SLC39A5: variants seen among roughly 807,000 people sequenced by gnomAD.
The protein encoded by SLC39A5 is zinc transporter ZIP5.
Under a neutral mutation model 46.9 loss-of-function variants are expected in SLC39A5, and 42 were observed. The ratio of observed to expected loss-of-function variants is 0.90; its 90% CI spans 0.70 to 1.16. SLC39A5 has a LOEUF of 1.16. SLC39A5 is among the 50% of genes most tolerant of loss of function. SLC39A5 has a pLI of 0.00. For synonymous variants in SLC39A5, 311 were observed against 323.1 expected, an observed-to-expected ratio of 0.96 and a Z score of 0.40; for missense variants, 677 against 686.8, an observed-to-expected ratio of 0.99 and a Z score of 0.16.
chr12:56,237,355 G>A lies in SLC39A5; in HGVS notation c.1479+15G>A. On this transcript the variant is annotated intron_variant, in intron 12 of 12. Transcript: ENST00000454355. ...TTGTGGACATGGTGAGAGATGTCGG[G>A]TAGAGCAGAGAAATCAAGGGCAGTG... 6.4e-7 allele frequency: 1 copy of A among 1,570,592 alleles called. No individual in the cohort carries two copies. The highest frequency in any genetic ancestry group is 8.6e-7 in the Non-Finnish European group (1 of 1,156,988).
Position 56,237,597 on chromosome 12 carries a change from C to T in SLC39A5, c.1489C>T (p.Leu497=). The T allele has an allele frequency of 1.2e-6, 2 of 1,613,858 alleles. No individual in the cohort carries two copies. Among genetic ancestry groups the T allele is most frequent in the Non-Finnish European group, 1.7e-6 (2 of 1,179,942 alleles). ...YVALVDMLPA[L]LRPPEPLPTP... ...CCTCTTTTTCTTTCAGCTACCAGCC[C>T]TGCTTCGTCCTCCGGAGCCCCTGCC... Residue 497 remains leucine (L), a synonymous_variant, in exon 13 of 13, where the codon CTG becomes TTG. Coordinates refer to ENST00000454355, the MANE Select transcript of SLC39A5 (RefSeq NM_173596.3).
At chr12:56,233,471 A>T (rs913889850) in intron 5 of SLC39A5, among the ~76,000 whole-genome samples, 5 of 151,680 alleles carry the variant, frequency 3.3e-5, no homozygotes, top group Non-Finnish European at 7.4e-5. Flanking sequence ...TAAAAAAAAT[A>T]AAAAAATAAA....
In SLC39A5 at chr12:56,231,194, A is replaced by G. The variant is rs533232325; in HGVS notation, c.-71-10A>G. 8.3e-5 allele frequency: 122 copies of G among 1,463,910 alleles called. No homozygotes were observed. The highest frequency in any genetic ancestry group is 5.4e-4 in the South Asian group (40 of 73,948). The allele number at this position is 1,463,910 out of a possible 1,614,324, so 90.7% of individuals were successfully genotyped here. A position where few individuals can be genotyped will look rare whatever the true frequency, so the allele number is the denominator to read the frequency against. ...AGAGCGCAGCTCCAGCCCATTCCTC[A>G]TTCTTCCAGGGCACAGTCCTCAGGA... On this transcript the variant is annotated splice_polypyrimidine_tract_variant and intron_variant, in intron 3 of 12. Coordinates refer to ENST00000454355, the MANE Select transcript of SLC39A5 (RefSeq NM_173596.3).
intron 4 of SLC39A5, among the ~76,000 whole-genome samples, chr12:56,232,311 A>G (rs1025711331): frequency 7.3e-5 from 11 of 151,478 alleles, no homozygotes; most frequent in African/African-American, 9.7e-5. Context: ...GATTACAGGC[A>G]CACACCACCA....
intron 3 of SLC39A5, 165 bp downstream of exon 3, chr12:56,231,038 G>A (rs1413372639): frequency 6.0e-6 from 3 of 504,124 alleles, no homozygotes; most frequent in East Asian, 3.2e-5. Flanking sequence ...CCAGGAACCA[G>A]CAAACAAGAG....
intron 2 of SLC39A5, 23 bp from the exon 3 acceptor site, chr12:56,230,807 TG>T (rs1439456981): frequency 6.4e-6 from 1 of 155,326 alleles, no homozygotes; most frequent in Non-Finnish European, 1.4e-5. Context: ...AGGCTAAGCC[TG>T]GATTCCCCCT....
At position 56,235,683 on chromosome 12, in the gene SLC39A5, C is replaced by A. The variant is rs762743474; in HGVS notation, c.928C>A (p.His310Asn). Residue 310 changes from histidine to asparagine, a missense_variant, in exon 8 of 13, where the codon CAC (histidine) becomes AAC (asparagine). Transcript: ENST00000454355. ...GGAGAACATGCTGGGGCTTTTGCGGCACCGAGGGCTCAGGCCAGTGAGTGA... is the reference window on the plus strand; with the variant it reads ...GGAGAACATGCTGGGGCTTTTGCGGAACCGAGGGCTCAGGCCAGTGAGTGA... ...VLENMLGLLR[H>N]RGLRPRCCRR... The A allele has an allele frequency of 1.9e-6, 3 of 1,614,070 alleles. No homozygotes were observed. Among genetic ancestry groups the A allele is most frequent in the East Asian group, 2.2e-5 (1 of 44,876 alleles).
chr12:56,234,028 TAATACA>T (rs1270613446), intron 5 of SLC39A5, among the ~76,000 whole-genome samples: 1 of 152,122 alleles, frequency 6.6e-6, no homozygotes, highest in African/African-American at 2.4e-5. Flanking sequence ...TATTCACTAA[TAATACA>T]CATTGATTAT....
At position 56,237,212 on chromosome 12, in the gene SLC39A5, G is replaced by T; in HGVS notation, c.1351G>T (p.Val451Leu). The change falls in exon 12 of 13, where the codon GTG (valine) becomes TTG (leucine). Residue 451 changes from valine to leucine, a missense_variant. Coordinates refer to ENST00000454355, the MANE Select transcript of SLC39A5 (RefSeq NM_173596.3). ...SFRRLLLLSLVSGALGLGGAV... is the reference protein window; with the variant it reads ...SFRRLLLLSLLSGALGLGGAV... ...TCGGCGGCTGCTGCTGCTGAGCCTC[G>T]TGTCTGGAGCCCTGGGATTGGGGGG... The T allele has an allele frequency of 6.2e-7, 1 of 1,613,810 alleles. No individual in the cohort carries two copies. Among genetic ancestry groups the T allele is most frequent in the Non-Finnish European group, 8.5e-7 (1 of 1,179,988 alleles).
rs1272852839 is a variant in SLC39A5 at position 56,234,857 on chromosome 12, G to A, written c.505G>A (p.Gly169Ser). 1 of 1,613,704 alleles carries A rather than the reference G, an allele frequency of 6.2e-7. No homozygotes were observed. Among genetic ancestry groups the A allele is most frequent in the Admixed American group, 1.7e-5 (1 of 60,008 alleles). ...CGGCTCCCAGCTGCTGGTCAATTTT[G>A]GCTTGAGCCCCGCTGCTCCTCTGAC... ...LNGSQLLVNF[G>S]LSPAAPLTPR... The change falls in exon 6 of 13, where the codon GGC (glycine) becomes AGC (serine). Residue 169 changes from glycine to serine, a missense_variant. By Grantham distance (56) the Gly-to-Ser change is moderately conservative. Coordinates refer to ENST00000454355, the MANE Select transcript of SLC39A5 (RefSeq NM_173596.3).
chr12:56,237,695 G>A lies in SLC39A5; in HGVS notation c.1587G>A (p.Leu529=). Residue 529 remains leucine (L), a synonymous_variant, in exon 13 of 13, where the codon CTG becomes CTA. Transcript: ENST00000454355. ...GCCTCATGCTTGCCATAACCCTGCTGGAGGAGCGGCTACTGCCCGTGACCA... is the reference window on the plus strand; with the variant it reads ...GCCTCATGCTTGCCATAACCCTGCTAGAGGAGCGGCTACTGCCCGTGACCA... ...GGGLMLAITL[L]EERLLPVTTE... 1.3e-6 allele frequency: 2 copies of A among 1,592,840 alleles called. No homozygotes were observed. The highest frequency in any genetic ancestry group is 1.7e-6 in the Non-Finnish European group (2 of 1,170,344).
intron 5 of SLC39A5, 27 bp from the exon 6 acceptor site, chr12:56,234,797 T>C (rs764531915): frequency 2.5e-6 from 4 of 1,612,328 alleles, no homozygotes; most frequent in Admixed American, 1.7e-5. Context: ...CTGGTGATTC[T>C]CCAATGTATG....
intron 3 of SLC39A5, 150 bp downstream of exon 3, chr12:56,231,023 G>T: frequency 2.0e-6 from 1 of 491,360 alleles, no homozygotes; most frequent in Non-Finnish European, 3.6e-6. Flanking sequence ...ACTCAGGGAG[G>T]TGCTCCAGGA....
In SLC39A5 at chr12:56,234,920, T is replaced by C; in HGVS notation, c.568T>C (p.Tyr190His). The part of the protein sequence containing the change: ...QFALLCPALL[Y>H]QIDSRVCIGA... ...TGCTCTGCTGTGCCCAGCCCTGCTTTATCAGATCGACAGCCGCGTCTGCAT... is the reference window on the plus strand; with the variant it reads ...TGCTCTGCTGTGCCCAGCCCTGCTTCATCAGATCGACAGCCGCGTCTGCAT... Residue 190 changes from tyrosine to histidine, a missense_variant, in exon 6 of 13, where the codon TAT becomes CAT. Coordinates refer to ENST00000454355, the MANE Select transcript of SLC39A5 (RefSeq NM_173596.3). The C allele has an allele frequency of 6.2e-7, 1 of 1,613,754 alleles. No homozygotes were observed. The highest frequency in any genetic ancestry group is 8.5e-7 in the Non-Finnish European group (1 of 1,179,982).
chr12:56,235,214 T>C lies in SLC39A5; in HGVS notation c.692T>C (p.Leu231Pro). ...LLLSLPSPLS[L>P]LLLRLLGPRL... ...CTCAGCCTCCCTTCTCCCCTATCCC[T>C]GCTGCTGCTGCGGCTCCTGGGACCT... is the stretch of plus-strand genomic sequence containing the variant. The change falls in exon 7 of 13, where the codon CTG becomes CCG. Residue 231 changes from leucine to proline, a missense_variant. By Grantham distance (98) the Leu-to-Pro change is moderately conservative. Coordinates refer to ENST00000454355, the MANE Select transcript of SLC39A5 (RefSeq NM_173596.3). The C allele has an allele frequency of 6.4e-7, 1 of 1,574,488 alleles. No homozygotes were observed. Among genetic ancestry groups the C allele is most frequent in the Non-Finnish European group, 8.6e-7 (1 of 1,161,720 alleles).
At chr12:56,236,799 T>C (rs757578892) in intron 10 of SLC39A5, 53 bp downstream of exon 10, 58 of 1,576,554 alleles carry the variant, frequency 3.7e-5, no homozygotes, top group Non-Finnish European at 4.8e-5. Context: ...CCAGGGCTCC[T>C]AGTTATCAGC....
In SLC39A5 at chr12:56,236,386, C is replaced by T. The variant is rs1421450868; in HGVS notation, c.946-10C>T. On this transcript the variant is annotated splice_polypyrimidine_tract_variant and intron_variant, in intron 8 of 12. Coordinates refer to ENST00000454355, the MANE Select transcript of SLC39A5 (RefSeq NM_173596.3). Reference sequence around the variant, plus strand: ...CCTCCTCCACCAGGAGGGATGCCCTCCTATTTCAGAGATGCTGCAGGCGAA... The same window carrying T: ...CCTCCTCCACCAGGAGGGATGCCCTTCTATTTCAGAGATGCTGCAGGCGAA... 1 of 1,613,964 alleles carries T rather than the reference C, an allele frequency of 6.2e-7. No individual in the cohort carries two copies. The highest frequency in any genetic ancestry group is 2.2e-5 in the East Asian group (1 of 44,882).
At chr12:56,232,940 A>T (rs1870372555) in intron 5 of SLC39A5, 68 bp downstream of exon 5, 2 of 1,493,450 alleles carry the variant, frequency 1.3e-6, no homozygotes, top group Middle Eastern at 1.7e-4. Context: ...TTAAATAATC[A>T]GTAGTTTTTT....
chr12:56,230,281 C>G lies in SLC39A5; in HGVS notation c.-129C>G, dbSNP rs1296611677. On this transcript the variant is annotated 5_prime_UTR_variant, in exon 2 of 13. Coordinates refer to ENST00000454355, the MANE Select transcript of SLC39A5 (RefSeq NM_173596.3). ...GTCATCGATCCCTAGAGCTCTGGCT[C>G]TTTCTCTTCTTGGGGTGAGAAACTG... 2 of 152,592 alleles carry G rather than the reference C, an allele frequency of 1.3e-5. No homozygotes were observed. Among genetic ancestry groups the G allele is most frequent in the African/African-American group, 4.8e-5 (2 of 41,456 alleles). The allele number at this position is 152,592 out of a possible 1,614,324, so 9.5% of individuals were successfully genotyped here.
Sources: gnomAD v4.1 joint callset for allele counts (sites outside exome capture counted in the v4.1 genomes callset) on GRCh38, gnomAD v4.1.1 for gene constraint, MANE v1.5 for transcripts, NCBI Gene and HGNC (gene_info 2026-07-23, HGNC 2026-07-21) for gene names.